The following PCED1B variants were observed in gnomAD, a reference collection of about 807,000 sequenced individuals.
PCED1B encodes the protein PC-esterase domain containing 1B, also known as PC-esterase domain-containing protein 1B.
For synonymous variants in PCED1B, 251 were observed against 246.1 expected, an observed-to-expected ratio of 1.02 and a Z score of -0.19; for missense variants, 573 against 573.9, an observed-to-expected ratio of 1.00 and a Z score of 0.02.
At chr12:47,191,996 T>G (rs1425975421) in intron 2 of PCED1B, among the ~76,000 whole-genome samples, 1 of 152,160 alleles carries the variant, frequency 6.6e-6, no homozygotes, top group Non-Finnish European at 1.5e-5. Context: ...TACATCCTCA[T>G]TAACTCCAAC....
intron 2 of PCED1B, among the ~76,000 whole-genome samples, chr12:47,129,609 A>G (rs1940037921): frequency 6.6e-6 from 1 of 152,144 alleles, no homozygotes; most frequent in Non-Finnish European, 1.5e-5. Context: ...AATTTTTTTA[A>G]AGAAAAAAAA....
chr12:47,170,102 A>G (rs1379229016), intron 2 of PCED1B, among the ~76,000 whole-genome samples: 7 of 151,984 alleles, frequency 4.6e-5, no homozygotes, highest in African/African-American at 1.2e-4. Context: ...ATGACTCTTA[A>G]GGAGCATGCT....
intron 3 of PCED1B, among the ~76,000 whole-genome samples, chr12:47,221,368 G>C (rs1042772662): frequency 1.4e-4 from 19 of 137,784 alleles, no homozygotes; most frequent in Admixed American, 5.3e-4. Context: ...TTTTAAGAAA[G>C]GGATATCACC....
At chr12:47,094,917 T>G (rs1437132628) in intron 1 of PCED1B, among the ~76,000 whole-genome samples, 1 of 151,230 alleles carries the variant, frequency 6.6e-6, no homozygotes, top group Non-Finnish European at 1.5e-5. Flanking sequence ...TTTTTTTTCT[T>G]TTTTGAGGCA....
intron 3 of PCED1B, among the ~76,000 whole-genome samples, chr12:47,227,085 C>G (rs972590021): frequency 6.6e-6 from 1 of 152,168 alleles, no homozygotes; most frequent in Non-Finnish European, 1.5e-5. Context: ...AATCCTGTTA[C>G]AGTTACAGTG....
intron 1 of PCED1B, among the ~76,000 whole-genome samples, chr12:47,083,354 C>T (rs58739332): frequency 3.3e-5 from 5 of 152,146 alleles, no homozygotes; most frequent in African/African-American, 9.6e-5. Context: ...CGGCGTGAGG[C>T]ACACTGGGTG....
intron 2 of PCED1B, among the ~76,000 whole-genome samples, chr12:47,170,479 GC>G (rs1292363466): frequency 6.9e-6 from 1 of 144,946 alleles, no homozygotes; most frequent in African/African-American, 2.7e-5. Context: ...GGGCAGAGGC[GC>G]CCCCCACCTC....
At chr12:47,147,021 G>A (rs1475684351) in intron 2 of PCED1B, among the ~76,000 whole-genome samples, 2 of 30,008 alleles carry the variant, frequency 6.7e-5, no homozygotes, top group Non-Finnish European at 2.0e-4. Context: ...TTTTTTTTGA[G>A]ATGGAGTCTT....
chr12:47,200,530 T>C (rs892496445), intron 2 of PCED1B, among the ~76,000 whole-genome samples: 2 of 152,188 alleles, frequency 1.3e-5, no homozygotes, highest in Non-Finnish European at 2.9e-5. Flanking sequence ...ACAAGGCAGA[T>C]TGGCAGCTTT....
intron 3 of PCED1B, among the ~76,000 whole-genome samples, chr12:47,226,705 C>T (rs1297587576): frequency 1.3e-5 from 2 of 152,106 alleles, no homozygotes; most frequent in Non-Finnish European, 2.9e-5. Flanking sequence ...AGTCCTTGCA[C>T]CCAGTGCACT....
chr12:47,187,646 A>G (rs1942313604), intron 2 of PCED1B, among the ~76,000 whole-genome samples: 1 of 152,196 alleles, frequency 6.6e-6, no homozygotes, highest in Non-Finnish European at 1.5e-5. Flanking sequence ...CTCAGCACCA[A>G]GGGCTGGAGG....
At chr12:47,154,285 A>G (rs1267243942) in intron 2 of PCED1B, among the ~76,000 whole-genome samples, 3 of 152,304 alleles carry the variant, frequency 2.0e-5, no homozygotes, top group South Asian at 2.1e-4. Context: ...AGCTCATCCC[A>G]TAAGTGTACT....
intron 2 of PCED1B, among the ~76,000 whole-genome samples, chr12:47,124,257 A>G (rs894999049): frequency 2.0e-5 from 3 of 152,022 alleles, no homozygotes; most frequent in African/African-American, 4.8e-5. Flanking sequence ...ATAATTTTAC[A>G]TAATGGAATC....
chr12:47,186,489 A>G (rs546548054), intron 2 of PCED1B, among the ~76,000 whole-genome samples: 3 of 152,010 alleles, frequency 2.0e-5, no homozygotes, highest in Non-Finnish European at 2.9e-5. Flanking sequence ...AGAGGGGGGC[A>G]CTTTCACAAG....
chr12:47,081,068 T>G (rs1937691640), intron 1 of PCED1B, among the ~76,000 whole-genome samples: 1 of 152,212 alleles, frequency 6.6e-6, no homozygotes, highest in African/African-American at 2.4e-5. Flanking sequence ...AGCTCTACGA[T>G]TAAAAATCCA....
chr12:47,089,461 C>CATATACAT (rs1938155780), intron 1 of PCED1B, among the ~76,000 whole-genome samples: 1 of 63,398 alleles, frequency 1.6e-5, no homozygotes, highest in Non-Finnish European at 2.9e-5. Context: ...AAAAAAAATA[C>CATATACAT]ATATATATAT....
chr12:47,172,640 T>C (rs1020493442), intron 2 of PCED1B, among the ~76,000 whole-genome samples: 1 of 152,202 alleles, frequency 6.6e-6, no homozygotes, highest in African/African-American at 2.4e-5. Context: ...CCTAGCTTTA[T>C]GAACTTGGGC....
At chr12:47,200,992 G>A (rs1942746238) in intron 2 of PCED1B, among the ~76,000 whole-genome samples, 1 of 152,154 alleles carries the variant, frequency 6.6e-6, no homozygotes, top group Non-Finnish European at 1.5e-5. Flanking sequence ...TGATACTGTT[G>A]TACCTGAGTG....
At chr12:47,118,864 C>A (rs374614443) in intron 2 of PCED1B, among the ~76,000 whole-genome samples, 2 of 152,142 alleles carry the variant, frequency 1.3e-5, no homozygotes, top group East Asian at 3.8e-4. Flanking sequence ...TCTTTTATTT[C>A]CTTGAGCAGT....
Sources: gnomAD v4.1 joint callset for allele counts (sites outside exome capture counted in the v4.1 genomes callset) on GRCh38, gnomAD v4.1.1 for gene constraint, MANE v1.5 for transcripts, NCBI Gene and HGNC (gene_info 2026-07-23, HGNC 2026-07-21) for gene names.